Variants in CPEB3 observed in about 807,000 individuals in gnomAD.
The protein encoded by CPEB3 is cytoplasmic polyadenylation element-binding protein 3.
In CPEB3, 20 loss-of-function variants were observed where a neutral mutation model predicts 67.2. The ratio of observed to expected loss-of-function variants is 0.30; its 90% CI spans 0.21 to 0.43. The LOEUF is 0.43. CPEB3 is among the 20% of genes least tolerant of loss of function. CPEB3 has a pLI of 1.00. For missense variants in CPEB3, 746 were observed against 968.6 expected (o/e 0.77, Z 3.05); for synonymous variants, 376 against 393.1 (o/e 0.96, Z 0.51).
chr10:92,093,460 T>C (rs959131151), intron 7 of CPEB3, among the ~76,000 whole-genome samples: 5 of 152,158 alleles, frequency 3.3e-5, no homozygotes, highest in Non-Finnish European at 7.4e-5. Context: ...CAAAACATTT[T>C]GAATTAACTT....
chr10:92,221,478 G>A (rs769976492), intron 2 of CPEB3, among the ~76,000 whole-genome samples: 4 of 152,120 alleles, frequency 2.6e-5, no homozygotes, highest in Admixed American at 1.3e-4. Flanking sequence ...GGACAACAGA[G>A]CAAGACTCCA....
intron 4 of CPEB3, among the ~76,000 whole-genome samples, chr10:92,163,990 C>G (rs1257967586): frequency 6.6e-6 from 1 of 152,156 alleles, no homozygotes; most frequent in Admixed American, 6.5e-5. Context: ...GAAAAATCTT[C>G]TTTCCATTGT....
chr10:92,058,946 C>A (rs188780152), intron 9 of CPEB3, among the ~76,000 whole-genome samples: 1,634 of 152,044 alleles, frequency 0.011, 15 homozygotes, highest in Admixed American at 0.014. Flanking sequence ...TTAAAACATT[C>A]AAAAAAATTG....
At chr10:92,141,546 G>C (rs1266282611) in intron 6 of CPEB3, among the ~76,000 whole-genome samples, 1 of 151,852 alleles carries the variant, frequency 6.6e-6, no homozygotes, top group African/African-American at 2.4e-5. Flanking sequence ...ATGAGTTAAT[G>C]GGTGCAGCAC....
intron 2 of CPEB3, among the ~76,000 whole-genome samples, chr10:92,217,779 A>T (rs1057445196): frequency 1.1e-4 from 17 of 152,360 alleles, no homozygotes; most frequent in African/African-American, 3.8e-4. Context: ...ATAATAAAAA[A>T]AAAATAAATT....
intron 4 of CPEB3, among the ~76,000 whole-genome samples, chr10:92,165,169 T>C (rs7096849): frequency 0.015 from 2,212 of 152,230 alleles, 55 homozygotes; most frequent in African/African-American, 0.05. Context: ...TATTGTTGCC[T>C]AGCACAGTGG....
intron 1 of CPEB3, among the ~76,000 whole-genome samples, chr10:92,243,493 T>C (rs1851935019): frequency 1.3e-5 from 2 of 152,210 alleles, no homozygotes; most frequent in Non-Finnish European, 1.5e-5. Context: ...AACTGGTTTG[T>C]CAACTTGCCA....
intron 2 of CPEB3, chr10:92,216,516 G>A (rs1052119040): frequency 1.2e-6 from 2 of 1,612,930 alleles, no homozygotes; most frequent in Non-Finnish European, 1.7e-6. Context: ...CAGATTCGGC[G>A]CGGGGTGAAA....
chr10:92,274,909 T>C (rs1841909158), intron 1 of CPEB3, among the ~76,000 whole-genome samples: 1 of 152,166 alleles, frequency 6.6e-6, no homozygotes, highest in Admixed American at 6.5e-5. Context: ...TTTAGCTAAA[T>C]GGCAAGGAAG....
intron 8 of CPEB3, 93 bp from the exon 9 acceptor site, chr10:92,081,594 T>C (rs1843155534): frequency 7.9e-6 from 9 of 1,144,310 alleles, no homozygotes; most frequent in Non-Finnish European, 1.1e-5. Flanking sequence ...TCATGCAATG[T>C]AATTAAGAAA....
intron 7 of CPEB3, among the ~76,000 whole-genome samples, chr10:92,110,021 C>T (rs575347932): frequency 7.0e-4 from 106 of 152,238 alleles, no homozygotes; most frequent in African/African-American, 2.5e-3. Context: ...TCTCAACAAC[C>T]CAGGGAAGAA....
intron 2 of CPEB3, among the ~76,000 whole-genome samples, chr10:92,222,951 C>A (rs922450897): frequency 6.6e-6 from 1 of 152,118 alleles, no homozygotes; most frequent in African/African-American, 2.4e-5. Context: ...CTCAGACTGG[C>A]TAATATAATA....
chr10:92,124,149 A>T (rs1564799403), intron 6 of CPEB3, among the ~76,000 whole-genome samples: 1 of 152,084 alleles, frequency 6.6e-6, no homozygotes, highest in Non-Finnish European at 1.5e-5. Context: ...CTAAACAAGC[A>T]TTTCCCCCCA....
intron 2 of CPEB3, among the ~76,000 whole-genome samples, chr10:92,203,859 G>A (rs10882034): frequency 0.32 from 47,932 of 151,896 alleles, 7,908 homozygotes; most frequent in Admixed American, 0.43. Flanking sequence ...AACTCCCAAG[G>A]TAACCCTACT....
intron 7 of CPEB3, among the ~76,000 whole-genome samples, chr10:92,093,506 CT>C (rs1007004405): frequency 1.0e-3 from 147 of 144,970 alleles, no homozygotes; most frequent in East Asian, 4.0e-3. Flanking sequence ...ACAGTCTACA[CT>C]TTTTTTTTTT....
intron 3 of CPEB3, among the ~76,000 whole-genome samples, chr10:92,187,014 G>C (rs1166557321): frequency 6.6e-6 from 1 of 152,110 alleles, no homozygotes; most frequent in Non-Finnish European, 1.5e-5. Flanking sequence ...TAAAGAGACA[G>C]TATATTTTTC....
chr10:92,137,313 C>T, intron 6 of CPEB3: 1 of 717,818 alleles, frequency 1.4e-6, no homozygotes, highest in Non-Finnish European at 2.3e-6. Context: ...TTCCCCATAT[C>T]ATCGTGGGTA....
chr10:92,201,906 C>G (rs145344194), intron 2 of CPEB3, among the ~76,000 whole-genome samples: 1 of 152,244 alleles, frequency 6.6e-6, no homozygotes, highest in African/African-American at 2.4e-5. Context: ...AACTGTAAGT[C>G]TCATGGGAGC....
intron 2 of CPEB3, among the ~76,000 whole-genome samples, chr10:92,231,717 C>A (rs1851276152): frequency 6.6e-6 from 1 of 151,706 alleles, no homozygotes; most frequent in Non-Finnish European, 1.5e-5. Flanking sequence ...ATCAACTTTT[C>A]TTTTCTTTTC....
Sources: allele counts gnomAD v4.1 joint callset (sites outside exome capture counted in the v4.1 genomes callset), GRCh38; gene constraint gnomAD v4.1.1; transcripts MANE v1.5; gene names NCBI Gene and HGNC (gene_info 2026-07-23, HGNC 2026-07-21).